The following NEGR1 variants were observed in gnomAD, a reference collection of about 807,000 sequenced individuals.
NEGR1 encodes neuronal growth regulator 1, also known as IgLON family member 4.
Under a neutral mutation model 40.9 loss-of-function variants are expected in NEGR1, and 10 were observed. The ratio of observed to expected loss-of-function variants is 0.24; its 90% CI spans 0.15 to 0.42. NEGR1 has a LOEUF of 0.42. NEGR1 is among the 10% of genes least tolerant of loss of function. NEGR1 has a pLI of 1.00. For synonymous variants in NEGR1, 185 were observed against 166.8 expected (o/e 1.11, Z -0.84); for missense variants, 352 against 438.9 (o/e 0.80, Z 1.77).
chr1:72,278,414 G>A (rs939490331), intron 1 of NEGR1, among the ~76,000 whole-genome samples: 1 of 152,054 alleles, frequency 6.6e-6, no homozygotes, highest in East Asian at 1.9e-4. Flanking sequence ...AAATGTGCAG[G>A]CACTGGGAGA....
intron 4 of NEGR1, among the ~76,000 whole-genome samples, chr1:71,696,866 G>T (rs997568879): frequency 6.6e-6 from 1 of 151,756 alleles, no homozygotes; most frequent in Non-Finnish European, 1.5e-5. Context: ...TTTGTTTGCA[G>T]AACACTCCAT....
intron 6 of NEGR1, among the ~76,000 whole-genome samples, chr1:71,450,906 C>T (rs1443097395): frequency 6.6e-6 from 1 of 151,830 alleles, no homozygotes; most frequent in Non-Finnish European, 1.5e-5. Context: ...TTAAATATTA[C>T]TTACAGTGTG....
At chr1:71,717,435 C>A (rs1338356429) in intron 3 of NEGR1, among the ~76,000 whole-genome samples, 1 of 152,014 alleles carries the variant, frequency 6.6e-6, no homozygotes, top group Non-Finnish European at 1.5e-5. Context: ...ACAGACATTC[C>A]TTTTCTGCCT....
chr1:72,049,581 CT>C (rs1324153922), intron 1 of NEGR1, among the ~76,000 whole-genome samples: 1 of 151,576 alleles, frequency 6.6e-6, no homozygotes, highest in Non-Finnish European at 1.5e-5. Context: ...GGATACACAG[CT>C]CTATAGCACA....
chr1:72,167,330 ACTC>A (rs1651804367), intron 1 of NEGR1, among the ~76,000 whole-genome samples: 1 of 151,974 alleles, frequency 6.6e-6, no homozygotes, highest in South Asian at 2.1e-4. Context: ...TCTTTAACAT[ACTC>A]CTATTTATGT....
intron 6 of NEGR1, among the ~76,000 whole-genome samples, chr1:71,570,092 C>A (rs747086982): frequency 6.6e-6 from 1 of 152,180 alleles, no homozygotes; most frequent in Non-Finnish European, 1.5e-5. Flanking sequence ...AGATAATTTG[C>A]GAACCATTTT....
At chr1:71,858,744 T>C (rs1388899081) in intron 2 of NEGR1, among the ~76,000 whole-genome samples, 1 of 152,090 alleles carries the variant, frequency 6.6e-6, no homozygotes, top group East Asian at 1.9e-4. Context: ...AACACAAATA[T>C]ACTTTCATGA....
Position 71,937,877 on chromosome 1 carries a change from A to G in NEGR1, c.177-2566T>C, listed in dbSNP as rs541169150. On this transcript the variant is annotated intron_variant, in intron 1 of 6. Transcript: ENST00000357731. ...TTTCCATTTCCCCAGAGGCAGTAGC[A>G]GCTTTACCTTTATTTGGGGGGTATT... Among the ~76,000 whole-genome samples, 419 of 152,218 alleles carry G rather than the reference A, an allele frequency of 2.8e-3. 3 individuals carry two copies. The highest frequency in any genetic ancestry group is 9.7e-3 in the African/African-American group (405 of 41,552).
intron 1 of NEGR1, among the ~76,000 whole-genome samples, chr1:72,221,585 T>A (rs1379524413): frequency 6.6e-6 from 1 of 152,036 alleles, no homozygotes; most frequent in Non-Finnish European, 1.5e-5. Flanking sequence ...TATGAAGAAG[T>A]GATAATTTAA....
chr1:71,720,091 G>A (rs1470160468), intron 3 of NEGR1, among the ~76,000 whole-genome samples: 2 of 152,060 alleles, frequency 1.3e-5, no homozygotes, highest in Admixed American at 1.3e-4. Flanking sequence ...CTACAAGAAG[G>A]AAATGACAAC....
At chr1:71,829,746 C>T (rs1406252310) in intron 2 of NEGR1, among the ~76,000 whole-genome samples, 1 of 151,966 alleles carries the variant, frequency 6.6e-6, no homozygotes, top group South Asian at 2.1e-4. Flanking sequence ...TTCCCTTTAA[C>T]AAGCTCTTTC....
chr1:72,275,073 C>T (rs911057446), intron 1 of NEGR1: 2 of 1,067,260 alleles, frequency 1.9e-6, no homozygotes, highest in South Asian at 1.3e-5. Context: ...AATTTGTTAG[C>T]ACCAGTGACC....
intron 2 of NEGR1, among the ~76,000 whole-genome samples, chr1:71,785,351 G>A (rs1230196539): frequency 6.6e-6 from 1 of 152,050 alleles, no homozygotes; most frequent in Non-Finnish European, 1.5e-5. Flanking sequence ...ACTAATGTGG[G>A]TATCCTAGTG....
At chr1:72,011,117 C>A (rs1646653473) in intron 1 of NEGR1, among the ~76,000 whole-genome samples, 1 of 152,010 alleles carries the variant, frequency 6.6e-6, no homozygotes, top group Middle Eastern at 3.2e-3. Flanking sequence ...TAATATAGTA[C>A]CCTCTGCATG....
intron 2 of NEGR1, among the ~76,000 whole-genome samples, chr1:71,918,376 CTTTGGAGT>C (rs1185882282): frequency 6.6e-6 from 1 of 151,750 alleles, no homozygotes; most frequent in Non-Finnish European, 1.5e-5. Context: ...ACGGTTTCTC[CTTTGGAGT>C]TGGGGAACAA....
At position 72,238,669 on chromosome 1, in the gene NEGR1, T is replaced by C. The variant is rs564313667; in HGVS notation, c.176+43650A>G. 5.9e-5 allele frequency among the ~76,000 whole-genome samples: 9 copies of C among 151,994 alleles called. No homozygotes were observed. In the South Asian group the frequency reaches 1.7e-3, roughly 28 times the overall value. On this transcript the variant is annotated intron_variant, in intron 1 of 6. Coordinates refer to ENST00000357731, the MANE Select transcript of NEGR1 (RefSeq NM_173808.3). ...TGATAGAAATCCTTGGATCCTACTG[T>C]CCTCTTTCCTTTGTGCAATTCTATT...
chr1:71,431,027 G>A (rs1000411351), intron 6 of NEGR1, among the ~76,000 whole-genome samples: 1 of 151,488 alleles, frequency 6.6e-6, no homozygotes, highest in South Asian at 2.1e-4. Flanking sequence ...GATTACAGGC[G>A]TGAGCCACCG....
At chr1:71,869,177 T>A (rs1002967355) in intron 2 of NEGR1, among the ~76,000 whole-genome samples, 28 of 152,346 alleles carry the variant, frequency 1.8e-4, no homozygotes, top group Middle Eastern at 3.4e-3. Context: ...GGATTAAATC[T>A]GTTGTTAGGT....
intron 1 of NEGR1, among the ~76,000 whole-genome samples, chr1:72,127,322 G>T (rs1443462600): frequency 6.6e-6 from 1 of 151,912 alleles, no homozygotes; most frequent in Admixed American, 6.6e-5. Flanking sequence ...AAATTAGCCA[G>T]GGGTGGTGGC....
Sources: gnomAD v4.1 joint callset for allele counts (sites outside exome capture counted in the v4.1 genomes callset) on GRCh38, gnomAD v4.1.1 for gene constraint, MANE v1.5 for transcripts, NCBI Gene and HGNC (gene_info 2026-07-23, HGNC 2026-07-21) for gene names.